CBLN4: variants seen among roughly 807,000 people sequenced by gnomAD.
The protein encoded by CBLN4 is cerebellin-4.
In CBLN4, 7 loss-of-function variants were observed where a neutral mutation model predicts 14.9. The ratio of observed to expected loss-of-function variants is 0.47; its 90% confidence interval spans 0.27 to 0.88. CBLN4 has a LOEUF of 0.88. CBLN4 is among the 40% of genes least tolerant of loss of function. The pLI is 0.14. For synonymous variants in CBLN4, 131 were observed against 116.5 expected, an observed-to-expected ratio of 1.12 and a Z score of -0.80; for missense variants, 188 against 256.8, an observed-to-expected ratio of 0.73 and a Z score of 1.83.
chr20:55,998,462 T>A lies in CBLN4; in HGVS notation c.*95A>T. The A allele has an allele frequency of 7.2e-7, 1 of 1,396,962 alleles. No individual in the cohort carries two copies. The highest frequency in any genetic ancestry group is 1.3e-5 in the South Asian group (1 of 78,220). 86.5% of individuals were successfully genotyped at this position (1,396,962 alleles called of 1,614,324 possible). A position where few individuals can be genotyped will look rare whatever the true frequency, so the allele number is the denominator to read the frequency against. ...TCCATATCCACCCATGAGAAACCAATAAAAGACATCAATCCAATGATGAAA... is the reference window on the plus strand; with the variant it reads ...TCCATATCCACCCATGAGAAACCAAAAAAAGACATCAATCCAATGATGAAA... On this transcript the variant is annotated 3_prime_UTR_variant, in exon 3 of 3. Coordinates refer to ENST00000064571, the MANE Select transcript of CBLN4 (RefSeq NM_080617.6).
chr20:55,998,523 C>T lies in CBLN4; in HGVS notation c.*34G>A, dbSNP rs774692405. On this transcript the variant is annotated 3_prime_UTR_variant, in exon 3 of 3. Coordinates refer to ENST00000064571, the MANE Select transcript of CBLN4 (RefSeq NM_080617.6). ...CCAATAACTCAGGAGTGGGTCATCC[C>T]TCACCTGGATGAACATCATGGAGAA... 7 of 1,611,220 alleles carry T rather than the reference C, an allele frequency of 4.3e-6. No homozygotes were observed. The Admixed American group carries it at 1.2e-4, about 27-fold the overall frequency.
At chr20:56,000,444 A>G (rs1205001930) in intron 2 of CBLN4, among the ~76,000 whole-genome samples, 1 of 152,236 alleles carries the variant, frequency 6.6e-6, no homozygotes, top group African/African-American at 2.4e-5. Flanking sequence ...GATCTTACAA[A>G]GAGATTTGTG....
At position 55,998,710 on chromosome 20, in the gene CBLN4, C is replaced by G; in HGVS notation, c.453G>C (p.Ala151=). ...LNGKPVISAF[A]GDKDVTREAA... ...CTTCACGAGTAACATCTTTGTCCCCCGCAAAGGCAGATATTACTGGTTTTC... is the reference window on the plus strand; with the variant it reads ...CTTCACGAGTAACATCTTTGTCCCCGGCAAAGGCAGATATTACTGGTTTTC... The change falls in exon 3 of 3, where the codon GCG becomes GCC. Residue 151 remains alanine, a synonymous_variant. Transcript: ENST00000064571. 1.2e-6 allele frequency: 2 copies of G among 1,614,022 alleles called. No homozygotes were observed. The highest frequency in any genetic ancestry group is 1.7e-6 in the Non-Finnish European group (2 of 1,179,928).
chr20:56,002,601 G>A (rs1297309913), intron 1 of CBLN4, among the ~76,000 whole-genome samples: 1 of 152,230 alleles, frequency 6.6e-6, no homozygotes, highest in East Asian at 1.9e-4. Flanking sequence ...AATGCCCACA[G>A]TATTCCAACA....
intron 1 of CBLN4, among the ~76,000 whole-genome samples, chr20:56,003,495 C>T (rs938238722): frequency 1.3e-5 from 2 of 152,208 alleles, no homozygotes; most frequent in African/African-American, 4.8e-5. Context: ...GCAGCCTCAG[C>T]GGCACCCGCA....
rs377354435 is a variant in CBLN4, at chr20:56,003,866, C to T, written c.291+15G>A. ...CCGCCCACCCCCTAGGTGCTCGCTT[C>T]CCCCCGGGTCTGACCTGATCGAAGT... On this transcript the variant is annotated intron_variant, in intron 1 of 2. Coordinates refer to ENST00000064571, the MANE Select transcript of CBLN4 (RefSeq NM_080617.6). 5.4e-5 allele frequency: 85 copies of T among 1,578,108 alleles called. No homozygotes were observed. The highest frequency in any genetic ancestry group is 4.1e-5 in the African/African-American group (3 of 73,876).
At chr20:56,001,723 C>T (rs561739975) in intron 1 of CBLN4, among the ~76,000 whole-genome samples, 12 of 152,254 alleles carry the variant, frequency 7.9e-5, no homozygotes, top group African/African-American at 2.6e-4. Context: ...ATACTGTTTC[C>T]CAAGAAAGCA....
At chr20:56,003,022 C>G (rs531638152) in intron 1 of CBLN4, among the ~76,000 whole-genome samples, 1 of 152,340 alleles carries the variant, frequency 6.6e-6, no homozygotes, top group South Asian at 2.1e-4. Context: ...CCTGGGGTTT[C>G]TCATCAAGCC....
In CBLN4 at chr20:56,001,621, G is replaced by A. The variant is rs190788107; in HGVS notation, c.292-774C>T. Among the ~76,000 whole-genome samples, 500 of 152,236 alleles carry A rather than the reference G, an allele frequency of 3.3e-3. 1 individual carries two copies. The highest frequency in any genetic ancestry group is 4.5e-3 in the Non-Finnish European group (307 of 68,018). Reference sequence around the variant, plus strand: ...TAGAGAAGGCTAAACTATGAAATAGGTGGCTTTCCCTGTTCCTCCCCGGGC... The same window carrying A: ...TAGAGAAGGCTAAACTATGAAATAGATGGCTTTCCCTGTTCCTCCCCGGGC... On this transcript the variant is annotated intron_variant, in intron 1 of 2. Transcript: ENST00000064571.
intron 2 of CBLN4, among the ~76,000 whole-genome samples, chr20:55,999,491 G>A (rs1363926548): frequency 6.6e-6 from 1 of 152,060 alleles, no homozygotes; most frequent in Non-Finnish European, 1.5e-5. Flanking sequence ...TAGCCTGATT[G>A]GTCACATGCA....
intron 1 of CBLN4, among the ~76,000 whole-genome samples, chr20:56,001,545 A>G (rs972188823): frequency 6.6e-6 from 1 of 152,038 alleles, no homozygotes; most frequent in Non-Finnish European, 1.5e-5. Context: ...GGCCTTAATT[A>G]TAATAATGTG....
chr20:56,004,328 T>A lies in CBLN4; in HGVS notation c.-157A>T. On this transcript the variant is annotated 5_prime_UTR_variant, in exon 1 of 3. Transcript: ENST00000064571. The surrounding 1 kb of genome is among the most constrained non-coding windows in gnomAD (Gnocchi z 6.1). ...GGCGCGCACACTTCCACCAATTCTGTGGCTTGAAGTCAAAGTCTCCCCTCG... is the reference window on the plus strand; with the variant it reads ...GGCGCGCACACTTCCACCAATTCTGAGGCTTGAAGTCAAAGTCTCCCCTCG... The A allele has an allele frequency of 1.5e-6, 1 of 649,932 alleles. No homozygotes were observed. Among genetic ancestry groups the A allele is most frequent in the South Asian group, 2.7e-5 (1 of 37,126 alleles). 40.3% of individuals were successfully genotyped at this position (649,932 alleles called of 1,614,324 possible). A position where few individuals can be genotyped will look rare whatever the true frequency, so the allele number is the denominator to read the frequency against.
At chr20:56,000,510 G>C (rs1986350461) in intron 2 of CBLN4, among the ~76,000 whole-genome samples, 1 of 152,110 alleles carries the variant, frequency 6.6e-6, no homozygotes, top group South Asian at 2.1e-4. Flanking sequence ...TGTTATTAAG[G>C]TAATAACTTC....
At chr20:56,002,305 A>G (rs1037405734) in intron 1 of CBLN4, among the ~76,000 whole-genome samples, 3 of 152,250 alleles carry the variant, frequency 2.0e-5, no homozygotes, top group African/African-American at 7.2e-5. Flanking sequence ...AAATTTTTCA[A>G]GCACAATTAA....
chr20:56,004,101 G>T lies in CBLN4; in HGVS notation c.71C>A (p.Pro24His), dbSNP rs746116052. 6.2e-7 allele frequency: 1 copy of T among 1,606,614 alleles called. No homozygotes were observed. The highest frequency in any genetic ancestry group is 1.1e-5 in the South Asian group (1 of 90,578). Residue 24 changes from proline to histidine, a missense_variant, in exon 1 of 3, where the codon CCC becomes CAC. Pro to His is a moderately conservative substitution (Grantham distance 77). This residue lies in a region of CBLN4 where 95 missense variants were observed against 99.2 expected (regional missense o/e 0.96). Coordinates refer to ENST00000064571, the MANE Select transcript of CBLN4 (RefSeq NM_080617.6). This position sits in a 1 kb window ranked among gnomAD's most constrained non-coding sequence, Gnocchi z 6.1. The part of the protein sequence containing the change: ...VLLVLTLPGL[P>H]VWAQNDTEPI... ...CTCCGTGTCGTTCTGTGCCCAGACG[G>T]GCAGCCCCGGCAGCGTGAGGACCAG...
rs989333368 is a variant in CBLN4, at chr20:56,004,843, G to A, written c.-672C>T. ...GCTAGCCAGGTCCCTCGCACCGAAA[G>A]CGCGGATTCGCAGGATCAGGTCCAG... is the stretch of plus-strand genomic sequence containing the variant. On this transcript the variant is annotated 5_prime_UTR_variant, in exon 1 of 3. Coordinates refer to ENST00000064571, the MANE Select transcript of CBLN4 (RefSeq NM_080617.6). The surrounding 1 kb of genome is among the most constrained non-coding windows in gnomAD (Gnocchi z 6.1). 4.6e-5 allele frequency: 7 copies of A among 152,422 alleles called. No homozygotes were observed. Among genetic ancestry groups the A allele is most frequent in the African/African-American group, 1.7e-4 (7 of 41,482 alleles). 9.4% of individuals were successfully genotyped at this position (152,422 alleles called of 1,614,324 possible).
At chr20:56,002,419 T>C (rs1379589903) in intron 1 of CBLN4, among the ~76,000 whole-genome samples, 2 of 152,240 alleles carry the variant, frequency 1.3e-5, no homozygotes, top group Admixed American at 6.5e-5. Flanking sequence ...CATATAAAAC[T>C]GGATGTTGAC....
chr20:56,003,786 C>T (rs1986414532), intron 1 of CBLN4, 95 bp downstream of exon 1: 1 of 1,309,464 alleles, frequency 7.6e-7, no homozygotes, highest in Non-Finnish European at 1.0e-6. Flanking sequence ...TTCCCCATTT[C>T]CCAATCGGAC....
At chr20:56,003,311 A>G (rs1986405920) in intron 1 of CBLN4, among the ~76,000 whole-genome samples, 1 of 152,226 alleles carries the variant, frequency 6.6e-6, no homozygotes, top group Admixed American at 6.5e-5. Flanking sequence ...TGCCTGGCAC[A>G]CGAACAGTGG....
Sources: allele counts gnomAD v4.1 joint callset (sites outside exome capture counted in the v4.1 genomes callset), GRCh38; gene constraint gnomAD v4.1.1; regional missense constraint gnomAD v4.1.1; non-coding constraint Gnocchi (gnomAD v3.1); transcripts MANE v1.5; gene names NCBI Gene and HGNC (gene_info 2026-07-23, HGNC 2026-07-21).